DCAF1: variants seen among roughly 807,000 people sequenced by gnomAD.
DCAF1 encodes the protein DDB1- and CUL4-associated factor 1.
A neutral mutation model predicts 128.0 loss-of-function variants in DCAF1; 15 were observed. That is an observed-to-expected ratio of 0.12 (90% CI 0.08 to 0.18). The LOEUF is 0.18. Ranked by LOEUF, DCAF1 falls within the 10% of genes least tolerant of loss-of-function variation. The pLI is 1.00. For synonymous variants in DCAF1, 610 were observed against 603.0 expected, an observed-to-expected ratio of 1.01 and a Z score of -0.17; for missense variants, 988 against 1,649.5, an observed-to-expected ratio of 0.60 and a Z score of 6.95.
intron 24 of DCAF1, among the ~76,000 whole-genome samples, chr3:51,401,230 G>A (rs182288992): frequency 9.3e-4 from 142 of 152,192 alleles, no homozygotes; most frequent in African/African-American, 3.3e-3. Context: ...GCAGACTCCA[G>A]GGCCTACGTA....
Position 51,422,287 on chromosome 3 carries a change from A to G in DCAF1, c.1972+20T>C, listed in dbSNP as rs1553632725. On this transcript the variant is annotated intron_variant, in intron 14 of 24. Coordinates refer to ENST00000684031, the MANE Select transcript of DCAF1 (RefSeq NM_001387579.1). ...CAAATCCAGACCAAGAAACAACAAA[A>G]ATGGCAAAGTACAACCTACCTACAG... is the stretch of plus-strand genomic sequence containing the variant. 1 of 755,742 alleles carries G rather than the reference A, an allele frequency of 1.3e-6. No individual in the cohort carries two copies. The highest frequency in any genetic ancestry group is 2.5e-6 in the Non-Finnish European group (1 of 405,506). The allele number at this position is 755,742 out of a possible 1,614,324, so 46.8% of individuals were successfully genotyped here.
intron 6 of DCAF1, among the ~76,000 whole-genome samples, chr3:51,456,007 T>C (rs1032167871): frequency 6.6e-6 from 1 of 152,168 alleles, no homozygotes; most frequent in Admixed American, 6.5e-5. Context: ...GATTTCTGCA[T>C]TTCCAACTGA....
chr3:51,408,943 C>A (rs1227713743), intron 23 of DCAF1, among the ~76,000 whole-genome samples: 2 of 152,158 alleles, frequency 1.3e-5, no homozygotes, highest in African/African-American at 4.8e-5. Flanking sequence ...ACCTACCCTG[C>A]CACCTAGTCT....
At chr3:51,453,426 G>C (rs1317027670) in intron 6 of DCAF1, among the ~76,000 whole-genome samples, 11 of 151,066 alleles carry the variant, frequency 7.3e-5, no homozygotes, top group Admixed American at 1.3e-4. Context: ...CCAAGAGTGT[G>C]AGACCAGCCT....
intron 23 of DCAF1, 62 bp from the exon 24 acceptor site, chr3:51,403,457 T>C (rs1162378990): frequency 9.1e-6 from 14 of 1,531,842 alleles, no homozygotes; most frequent in African/African-American, 1.4e-5. Flanking sequence ...GGGGGCCACA[T>C]GGCGGGTCGA....
intron 24 of DCAF1, among the ~76,000 whole-genome samples, chr3:51,402,566 AT>A (rs540396047): frequency 0.045 from 3,813 of 84,260 alleles, 77 homozygotes; most frequent in East Asian, 0.25. Context: ...CCTACAAAGC[AT>A]TTTTTTTTTT....
intron 6 of DCAF1, among the ~76,000 whole-genome samples, chr3:51,445,845 G>A (rs1029947646): frequency 5.3e-5 from 8 of 152,092 alleles, no homozygotes; most frequent in Admixed American, 3.9e-4. Flanking sequence ...AGTCTGATGG[G>A]TGTAAAAACA....
rs532961274 is a variant in DCAF1 at position 51,478,648 on chromosome 3, C to T, written c.110+5071G>A. Among the ~76,000 whole-genome samples, 17 of 152,002 alleles carry T rather than the reference C, an allele frequency of 1.1e-4. No individual in the cohort carries two copies. The South Asian group carries it at 3.5e-3, about 32-fold the overall frequency. Reference sequence around the variant, plus strand: ...GTTTAATAGTTGGTGTTTAATTATTCTTTTTTTGTTTTGTTTTTTTAATTA... The same window carrying T: ...GTTTAATAGTTGGTGTTTAATTATTTTTTTTTTGTTTTGTTTTTTTAATTA... On this transcript the variant is annotated intron_variant, in intron 3 of 24. Transcript: ENST00000684031.
At chr3:51,474,580 T>C (rs1315288891) in intron 3 of DCAF1, among the ~76,000 whole-genome samples, 8 of 151,804 alleles carry the variant, frequency 5.3e-5, no homozygotes, top group Non-Finnish European at 2.9e-5. Flanking sequence ...ATAATGTATG[T>C]GTACTTGTTT....
intron 4 of DCAF1, among the ~76,000 whole-genome samples, chr3:51,470,380 G>A (rs1704600402): frequency 6.6e-6 from 1 of 152,108 alleles, no homozygotes; most frequent in Admixed American, 6.6e-5. Context: ...GGGCAGCAAA[G>A]CAAGACCCCA....
intron 3 of DCAF1, among the ~76,000 whole-genome samples, chr3:51,480,796 T>G (rs79534119): frequency 0.036 from 5,428 of 152,092 alleles, 697 homozygotes; most frequent in East Asian, 0.33. Flanking sequence ...ATCATTCATG[T>G]GTATGTATTT....
At chr3:51,460,466 G>A (rs1364525833) in intron 6 of DCAF1, among the ~76,000 whole-genome samples, 25 of 151,166 alleles carry the variant, frequency 1.7e-4, no homozygotes, top group Admixed American at 5.3e-4. Flanking sequence ...AATCAGTATC[G>A]TGAAAATGGC....
At chr3:51,502,111 G>A (rs1708833993), upstream of DCAF1, among the ~76,000 whole-genome samples, 3 of 152,134 alleles carry the variant, frequency 2.0e-5, no homozygotes, top group Non-Finnish European at 4.4e-5. Flanking sequence ...TCTGACTATG[G>A]TCTAGCCGGC....
At position 51,419,797 on chromosome 3, in the gene DCAF1, G is replaced by A; in HGVS notation, c.3173C>T (p.Ala1058Val). 6.2e-7 allele frequency: 1 copy of A among 1,614,012 alleles called. No individual in the cohort carries two copies. The highest frequency in any genetic ancestry group is 8.5e-7 in the Non-Finnish European group (1 of 1,179,896). The change falls in exon 15 of 25, where the codon GCA becomes GTA. Residue 1058 changes from alanine to valine, a missense_variant. Transcript: ENST00000684031. ...INFTSRLNRR[A>V]SFPKYGGVDG... ...CACCCCTCCATACTTTGGAAATGAT[G>A]CCCTGCGGTTTAGCCTTGACGTAAA...
At chr3:51,456,934 A>G (rs1430717047) in intron 6 of DCAF1, among the ~76,000 whole-genome samples, 1 of 152,180 alleles carries the variant, frequency 6.6e-6, no homozygotes, top group Admixed American at 6.6e-5. Flanking sequence ...GTCAAAAACG[A>G]AAGGTAGCTA....
chr3:51,466,006 C>T (rs1376303931), intron 5 of DCAF1, among the ~76,000 whole-genome samples: 1 of 152,058 alleles, frequency 6.6e-6, no homozygotes, highest in East Asian at 1.9e-4. Flanking sequence ...TGAGACTAGC[C>T]TGGCCAACAT....
the DCAF1 span, among the ~76,000 whole-genome samples, chr3:51,505,026 G>T: frequency 6.6e-6 from 1 of 152,010 alleles, no homozygotes; most frequent in Admixed American, 6.6e-5. Flanking sequence ...CTTTAGGGGG[G>T]CAAGGCAGGT....
rs561339561 is a variant in DCAF1 at position 51,481,125 on chromosome 3, T to G, written c.110+2594A>C. On this transcript the variant is annotated intron_variant, in intron 3 of 24. Transcript: ENST00000684031. ...GCTGTGAAAACAACTTTTTATGCATTGATTTCTTACTTTTTACAGCGAAAG... is the reference window on the plus strand; with the variant it reads ...GCTGTGAAAACAACTTTTTATGCATGGATTTCTTACTTTTTACAGCGAAAG... 1.2e-4 allele frequency among the ~76,000 whole-genome samples: 19 copies of G among 152,282 alleles called. No homozygotes were observed. The South Asian group carries it at 3.7e-3, about 30-fold the overall frequency.
intron 6 of DCAF1, among the ~76,000 whole-genome samples, chr3:51,456,373 T>A (rs953707739): frequency 6.6e-6 from 1 of 152,180 alleles, no homozygotes; most frequent in Admixed American, 6.6e-5. Context: ...GCGCCCGCCA[T>A]TGCTGAGTTA....
Sources: gnomAD v4.1 joint callset for allele counts (sites outside exome capture counted in the v4.1 genomes callset) on GRCh38, gnomAD v4.1.1 for gene constraint, MANE v1.5 for transcripts, NCBI Gene and HGNC (gene_info 2026-07-23, HGNC 2026-07-21) for gene names.